PRPSAP1: variants seen among roughly 807,000 people sequenced by gnomAD.
PRPSAP1 encodes phosphoribosyl pyrophosphate synthetase associated protein 1, also known as phosphoribosyl pyrophosphate synthase-associated protein 1.
A neutral mutation model predicts 39.4 loss-of-function variants in PRPSAP1; 31 were observed. That is an observed-to-expected ratio of 0.79 (90% confidence interval 0.59 to 1.06). PRPSAP1 has a LOEUF of 1.06. Among genes scored for constraint, PRPSAP1 ranks in the 50% least tolerant of loss-of-function variants. PRPSAP1 has a pLI of 0.00. For missense variants in PRPSAP1, 430 were observed against 511.6 expected (o/e 0.84, Z 1.54); for synonymous variants, 212 against 192.6 (o/e 1.10, Z -0.83).
intron 3 of PRPSAP1, among the ~76,000 whole-genome samples, chr17:76,341,562 A>T (rs2071439219): frequency 6.6e-6 from 1 of 151,956 alleles, no homozygotes; most frequent in African/African-American, 2.4e-5. Context: ...CTTAAAGATA[A>T]CTCTTTACAT....
In PRPSAP1 at chr17:76,320,305, A is replaced by AAGAAAAGAAAGGAAGGG. The variant is rs1555592771; in HGVS notation, c.782-6415_782-6414insCCCTTCCTTTCTTTTCT. 7.9e-4 allele frequency among the ~76,000 whole-genome samples: 107 copies of AAGAAAAGAAAGGAAGGG among 135,382 alleles called. 3 individuals carry two copies. Among genetic ancestry groups the AAGAAAAGAAAGGAAGGG allele is most frequent in the African/African-American group, 3.0e-3 (102 of 34,176 alleles). The allele number at this position is 135,382 out of a possible 152,430, so 88.8% of individuals were successfully genotyped here. On this transcript the variant is annotated intron_variant, in intron 7 of 9. Transcript: ENST00000446526. ...AGAAAAGAAAGAAAGAAAGAAAAGA[A>AAGAAAAGAAAGGAAGGG]AGGAAGGGAGGAAGGGAAGAAGGGA...
rs762896840 is a variant in PRPSAP1 at position 76,328,796 on chromosome 17, C to T, written c.702G>A (p.Thr234=). 8.7e-6 allele frequency: 14 copies of T among 1,614,008 alleles called. No individual in the cohort carries two copies. Among genetic ancestry groups the T allele is most frequent in the Admixed American group, 5.0e-5 (3 of 59,986 alleles). The change falls in exon 7 of 10, where the codon ACG becomes ACA. Residue 234 remains threonine (T), a synonymous_variant. Coordinates refer to ENST00000446526, the MANE Select transcript of PRPSAP1 (RefSeq NM_002766.3). ...LAVIHGEAQC[T]ELDMDDGRHS... ...GACGACCATCGTCCATGTCCAGTTC[C>T]GTGCACTGAGCTTCCCCGTGAATGA...
In PRPSAP1 at chr17:76,311,337, T is replaced by C; in HGVS notation, c.*205A>G. The C allele has an allele frequency of 2.0e-6, 1 of 507,044 alleles. No homozygotes were observed. The highest frequency in any genetic ancestry group is 3.3e-5 in the South Asian group (1 of 30,446). The allele number at this position is 507,044 out of a possible 1,614,324, so 31.4% of individuals were successfully genotyped here. The stretch of plus-strand genomic sequence containing the variant: ...GGAACAGGGCTGATGACAGCAGACA[T>C]GTAAGGCCATGTTATGATATTTATC... On this transcript the variant is annotated 3_prime_UTR_variant, in exon 10 of 10. Transcript: ENST00000446526.
At chr17:76,324,832 C>T (rs1188853490) in intron 7 of PRPSAP1, among the ~76,000 whole-genome samples, 3 of 151,174 alleles carry the variant, frequency 2.0e-5, no homozygotes, top group East Asian at 2.0e-4. Context: ...GAGGCCAAGG[C>T]GGGCGGATCA....
At chr17:76,316,435 G>A (rs1380977351) in intron 7 of PRPSAP1, among the ~76,000 whole-genome samples, 1 of 151,944 alleles carries the variant, frequency 6.6e-6, no homozygotes. Context: ...CTGCCTTTAG[G>A]TTCTGAATAA....
At chr17:76,337,122 G>A (rs1357455887) in intron 3 of PRPSAP1, among the ~76,000 whole-genome samples, 5 of 152,010 alleles carry the variant, frequency 3.3e-5, no homozygotes, top group Admixed American at 1.3e-4. Flanking sequence ...GTCTCACCAT[G>A]TTGCCCAGCT....
At chr17:76,338,086 G>T (rs527611614) in intron 3 of PRPSAP1, among the ~76,000 whole-genome samples, 4 of 152,184 alleles carry the variant, frequency 2.6e-5, no homozygotes, top group Admixed American at 6.6e-5. Flanking sequence ...TAATCATTTT[G>T]TTCTGAATGG....
At chr17:76,316,052 C>T (rs866666470) in intron 7 of PRPSAP1, among the ~76,000 whole-genome samples, 50 of 151,468 alleles carry the variant, frequency 3.3e-4, no homozygotes, top group Middle Eastern at 3.4e-3. Context: ...GTGGCACACG[C>T]CTGTAATCCT....
intron 1 of PRPSAP1, among the ~76,000 whole-genome samples, chr17:76,351,560 A>C (rs2071572881): frequency 6.6e-6 from 1 of 151,868 alleles, no homozygotes; most frequent in African/African-American, 2.4e-5. Context: ...GGTGTCGGGC[A>C]TCTGTGATCC....
chr17:76,322,411 T>C (rs1025229188), intron 7 of PRPSAP1, among the ~76,000 whole-genome samples: 1 of 151,972 alleles, frequency 6.6e-6, no homozygotes, highest in Non-Finnish European at 1.5e-5. Context: ...AATATATTTA[T>C]CAAACAACAG....
At chr17:76,345,913 G>C in intron 2 of PRPSAP1, 1 of 433,138 alleles carries the variant, frequency 2.3e-6, no homozygotes, top group Non-Finnish European at 4.5e-6. Context: ...GAGAAGATCT[G>C]TGAGGCTGTC....
chr17:76,328,999 G>T, intron 6 of PRPSAP1, 137 bp from the exon 7 acceptor site: 1 of 1,035,014 alleles, frequency 9.7e-7, no homozygotes, highest in Non-Finnish European at 1.4e-6. Context: ...AAATGAGAAT[G>T]TGAGGCCCAG....
chr17:76,346,069 A>C (rs1301638518), intron 2 of PRPSAP1: 2 of 360,436 alleles, frequency 5.5e-6, no homozygotes, highest in Non-Finnish European at 1.1e-5. Context: ...AGATGCCTGA[A>C]CACACCAGGC....
intron 3 of PRPSAP1, among the ~76,000 whole-genome samples, chr17:76,333,481 C>T: frequency 6.6e-6 from 1 of 151,856 alleles, no homozygotes; most frequent in East Asian, 1.9e-4. Context: ...CTTGTCTCTA[C>T]TAAAAATACA....
At chr17:76,335,994 C>G (rs914786570) in intron 3 of PRPSAP1, among the ~76,000 whole-genome samples, 1 of 151,702 alleles carries the variant, frequency 6.6e-6, no homozygotes, top group African/African-American at 2.4e-5. Flanking sequence ...AAAAAACACA[C>G]AAAAAAATAA....
At position 76,344,703 on chromosome 17, in the gene PRPSAP1, G is replaced by A. The variant is rs1316088372; in HGVS notation, c.258C>T (p.Gly86=). The A allele has an allele frequency of 1.2e-5, 19 of 1,582,480 alleles. No individual in the cohort carries two copies. Among genetic ancestry groups the A allele is most frequent in the East Asian group, 2.2e-5 (1 of 44,694 alleles). The part of the protein sequence containing the change: ...TRVEIKESVR[G]QDIFIIQTIP... ...TTGTCTGTATAATGAAAATATCTTG[G>A]CCACGAACAGATTCTTTTATTTCAA... The change falls in exon 3 of 10, where the codon GGC becomes GGT. Residue 86 remains glycine (G), a synonymous_variant. Coordinates refer to ENST00000446526, the MANE Select transcript of PRPSAP1 (RefSeq NM_002766.3).
At position 76,313,838 on chromosome 17, in the gene PRPSAP1, G is replaced by A. The variant is rs373777430; in HGVS notation, c.835C>T (p.Arg279Cys). 9 of 1,614,040 alleles carry A rather than the reference G, an allele frequency of 5.6e-6. No individual in the cohort carries two copies. The highest frequency in any genetic ancestry group is 3.3e-5 in the Admixed American group (2 of 59,990). Residue 279 changes from arginine to cysteine, a missense_variant, in exon 8 of 10, where the codon CGC becomes TGC. Around this residue, in one of 2 missense-constraint regions of PRPSAP1, gnomAD observed 278 missense variants for 376.3 expected, o/e 0.74. Transcript: ENST00000446526. Reference protein sequence around the residue: ...PITVVGDVGGRIAIIVDDIID... With the variant: ...PITVVGDVGGCIAIIVDDIID... ...AACCATACCACGATGATTGCGATGC[G>A]GCCTCCAACATCTCCAACTACAGTT...
Position 76,344,523 on chromosome 17 carries a change from C to T in PRPSAP1, c.290+148G>A. ...CTCGTGATCCGCCCACCTCGGCCTC[C>T]CAAAGTGTTGGCATAACAGGCGTGA... On this transcript the variant is annotated intron_variant, in intron 3 of 9. Coordinates refer to ENST00000446526, the MANE Select transcript of PRPSAP1 (RefSeq NM_002766.3). 7.3e-6 allele frequency: 5 copies of T among 680,274 alleles called. No individual in the cohort carries two copies. The South Asian group carries it at 9.8e-5, about 13-fold the overall frequency. 42.1% of individuals were successfully genotyped at this position (680,274 alleles called of 1,614,324 possible).
At chr17:76,349,920 T>A (rs899097218) in intron 1 of PRPSAP1, among the ~76,000 whole-genome samples, 1 of 151,564 alleles carries the variant, frequency 6.6e-6, no homozygotes, top group Non-Finnish European at 1.5e-5. Context: ...ACCCCATCTC[T>A]ACTAAAAACA....
Sources: allele counts gnomAD v4.1 joint callset (sites outside exome capture counted in the v4.1 genomes callset), GRCh38; gene constraint gnomAD v4.1.1; regional missense constraint gnomAD v4.1.1; transcripts MANE v1.5; gene names NCBI Gene and HGNC (gene_info 2026-07-23, HGNC 2026-07-21).